PREX1: variants seen among roughly 807,000 people sequenced by gnomAD.
The protein encoded by PREX1 is phosphatidylinositol 3,4,5-trisphosphate-dependent Rac exchanger 1 protein.
PREX1 carries 41 observed loss-of-function variants against 198.3 expected under a neutral mutation model. The ratio of observed to expected loss-of-function variants is 0.21; its 90% CI spans 0.16 to 0.27. The LOEUF (loss-of-function observed/expected upper bound fraction) is 0.27. PREX1 is among the 10% of genes least tolerant of loss of function. The pLI is 1.00. For missense variants in PREX1, 1,620 were observed against 2,200.7 expected (o/e 0.74, Z 5.28); for synonymous variants, 843 against 887.2 (o/e 0.95, Z 0.89).
intron 7 of PREX1, among the ~76,000 whole-genome samples, chr20:48,693,570 A>G (rs2089830421): frequency 6.6e-6 from 1 of 152,210 alleles, no homozygotes; most frequent in Admixed American, 6.5e-5. Flanking sequence ...AGAACTGTAC[A>G]AAATACATTT....
intron 1 of PREX1, among the ~76,000 whole-genome samples, chr20:48,825,852 C>A (rs1244449508): frequency 2.0e-5 from 3 of 149,480 alleles, no homozygotes; most frequent in Non-Finnish European, 3.0e-5. Context: ...AGAACAAATT[C>A]TTCCCCCACC....
At chr20:48,649,219 G>T (rs2089473108) in intron 25 of PREX1, 81 bp downstream of exon 25, 2 of 1,539,362 alleles carry the variant, frequency 1.3e-6, no homozygotes, top group Admixed American at 3.7e-5. Flanking sequence ...TACAAAGAAT[G>T]ATGCTACCCA....
chr20:48,732,430 C>CTA (rs1199718649), intron 4 of PREX1, among the ~76,000 whole-genome samples: 1 of 151,936 alleles, frequency 6.6e-6, no homozygotes, highest in Non-Finnish European at 1.5e-5. Flanking sequence ...ACTCCGTATG[C>CTA]TATGTTAGTT....
intron 29 of PREX1, among the ~76,000 whole-genome samples, chr20:48,640,389 C>G (rs1164643702): frequency 6.6e-6 from 1 of 152,216 alleles, no homozygotes; most frequent in Non-Finnish European, 1.5e-5. Context: ...ACCTCTGGCC[C>G]CACCATTCAG....
At chr20:48,816,648 A>G (rs934575259) in intron 1 of PREX1, among the ~76,000 whole-genome samples, 13 of 152,098 alleles carry the variant, frequency 8.5e-5, no homozygotes, top group Non-Finnish European at 1.6e-4. Context: ...GACTCAAGGC[A>G]CCTCTAGGAA....
intron 1 of PREX1, among the ~76,000 whole-genome samples, chr20:48,800,703 G>A (rs915046959): frequency 1.3e-5 from 2 of 152,120 alleles, no homozygotes; most frequent in South Asian, 2.1e-4. Flanking sequence ...TGAGCCTCTC[G>A]GGCAGGGCTA....
chr20:48,778,972 TAAA>T (rs1029777821), intron 1 of PREX1, among the ~76,000 whole-genome samples: 6 of 151,798 alleles, frequency 4.0e-5, no homozygotes, highest in Non-Finnish European at 7.4e-5. Context: ...GATGTGACAT[TAAA>T]AAAAGCAAGA....
Position 48,627,966 on chromosome 20 carries a change from G to A in PREX1, c.4767-3C>T. 5.0e-6 allele frequency: 8 copies of A among 1,600,322 alleles called. No homozygotes were observed. The highest frequency in any genetic ancestry group is 6.8e-6 in the Non-Finnish European group (8 of 1,173,662). On this transcript the variant is annotated splice_polypyrimidine_tract_variant and splice_region_variant and intron_variant, in intron 37 of 39. Coordinates refer to ENST00000371941, the MANE Select transcript of PREX1 (RefSeq NM_020820.4). The stretch of plus-strand genomic sequence containing the variant: ...CCAGGGACACGCTCAGGGTGCTCCT[G>A]CAGCAGGGGAGGGAGGACAGCGGGT...
chr20:48,879,186 A>T, the PREX1 span, among the ~76,000 whole-genome samples: 1 of 152,312 alleles, frequency 6.6e-6, no homozygotes, highest in South Asian at 2.1e-4. Flanking sequence ...GCGAGGATTA[A>T]ATGAGATGGT....
intron 6 of PREX1, among the ~76,000 whole-genome samples, chr20:48,703,052 C>G (rs2089883602): frequency 6.6e-6 from 1 of 152,226 alleles, no homozygotes; most frequent in South Asian, 2.1e-4. Flanking sequence ...CCAGAACCAA[C>G]ATGGAGCTCC....
intron 1 of PREX1, among the ~76,000 whole-genome samples, chr20:48,787,968 G>A (rs2090320826): frequency 6.6e-6 from 1 of 152,190 alleles, no homozygotes; most frequent in African/African-American, 2.4e-5. Flanking sequence ...AGGCAAGGCA[G>A]GAAAACTGCC....
chr20:48,688,538 G>T, intron 10 of PREX1, 119 bp downstream of exon 10: 1 of 1,326,962 alleles, frequency 7.5e-7, no homozygotes, highest in Non-Finnish European at 1.0e-6. Flanking sequence ...AGGTCCTTTT[G>T]TCACTCTGCC....
Position 48,692,793 on chromosome 20 carries a change from G to A in PREX1, c.918-3C>T. The A allele has an allele frequency of 6.2e-7, 1 of 1,611,852 alleles. No homozygotes were observed. On this transcript the variant is annotated splice_polypyrimidine_tract_variant and splice_region_variant and intron_variant, in intron 7 of 39. Transcript: ENST00000371941. ...TGGACTTCTTGCTCCCGGTGACCCT[G>A]ATAGACAGTGAGAAGTCAGTGTCCC...
chr20:48,872,378 C>G, the PREX1 span, among the ~76,000 whole-genome samples: 1 of 152,092 alleles, frequency 6.6e-6, no homozygotes, highest in Non-Finnish European at 1.5e-5. Context: ...AGATTGTACA[C>G]TCCTTGAAGG....
At chr20:48,737,305 A>C (rs928314357) in intron 3 of PREX1, among the ~76,000 whole-genome samples, 1 of 139,426 alleles carries the variant, frequency 7.2e-6, no homozygotes, top group Non-Finnish European at 1.5e-5. Flanking sequence ...AAGCATCGGG[A>C]GGGTCCCAGG....
the PREX1 span, among the ~76,000 whole-genome samples, chr20:48,839,752 G>C: frequency 2.6e-5 from 4 of 152,130 alleles, no homozygotes; most frequent in Non-Finnish European, 5.9e-5. Flanking sequence ...CTCTAGTGCT[G>C]GCCCATGAAA....
intron 1 of PREX1, among the ~76,000 whole-genome samples, chr20:48,749,883 C>T (rs2090126678): frequency 6.6e-6 from 1 of 152,044 alleles, no homozygotes; most frequent in Non-Finnish European, 1.5e-5. Context: ...AAATTGCAAC[C>T]TCCAGCATAA....
chr20:48,636,711 T>C (rs1304730978), intron 31 of PREX1, 28 bp from the exon 32 acceptor site: 1 of 1,560,174 alleles, frequency 6.4e-7, no homozygotes, highest in Admixed American at 1.8e-5. Flanking sequence ...GAGGCCTTGC[T>C]GGAGGGGCGC....
At chr20:48,840,039 G>T in the PREX1 span, among the ~76,000 whole-genome samples, 1 of 152,188 alleles carries the variant, frequency 6.6e-6, no homozygotes, top group Non-Finnish European at 1.5e-5. Context: ...GTTTGAGACA[G>T]AGTCTTGCTC....
Sources: allele counts gnomAD v4.1 joint callset (sites outside exome capture counted in the v4.1 genomes callset), GRCh38; gene constraint gnomAD v4.1.1; transcripts MANE v1.5; gene names NCBI Gene and HGNC (gene_info 2026-07-23, HGNC 2026-07-21).